Variants in TMEM132E observed in about 807,000 individuals in gnomAD.
The protein encoded by TMEM132E is transmembrane protein 132E.
A neutral mutation model predicts 78.5 loss-of-function variants in TMEM132E; 49 were observed. The ratio of observed to expected loss-of-function variants is 0.62; its 90% CI spans 0.50 to 0.79. The LOEUF (loss-of-function observed/expected upper bound fraction) is 0.79, where lower values mean the gene tolerates loss of function less well. Ranked by LOEUF, TMEM132E falls within the 30% of genes least tolerant of loss-of-function variation. The pLI, the probability that TMEM132E is intolerant of heterozygous loss-of-function variation, is 0.00. For synonymous variants in TMEM132E, 715 were observed against 670.6 expected, an observed-to-expected ratio of 1.07 and a Z score of -1.02; for missense variants, 1,403 against 1,470.9, an observed-to-expected ratio of 0.95 and a Z score of 0.75.
intron 2 of TMEM132E, among the ~76,000 whole-genome samples, chr17:34,627,516 T>C: frequency 1.6e-5 from 1 of 64,214 alleles, no homozygotes; most frequent in African/African-American, 5.4e-5. Flanking sequence ...TTTGGGACAT[T>C]TGCCCCAGTC....
chr17:34,630,150 A>C lies in TMEM132E; in HGVS notation c.1481A>C (p.Lys494Thr). The part of the protein sequence containing the change: ...ECESDNEDII[K>T]VSSSCDYVFV... ...GAGTCTGACAATGAAGACATCATCA[A>C]GGTGGGCATCCTGGAGGTGGGGCCC... The change falls in exon 5 of 9, where the codon AAG (lysine) becomes ACG (threonine). Residue 494 changes from lysine (K) to threonine (T), a missense_variant and splice_region_variant. Around this residue, in one of 3 missense-constraint regions of TMEM132E, gnomAD observed 888 missense variants for 952.8 expected, o/e 0.93. Transcript: ENST00000631683. 2 of 1,609,680 alleles carry C rather than the reference A, an allele frequency of 1.2e-6. No homozygotes were observed. The highest frequency in any genetic ancestry group is 1.7e-6 in the Non-Finnish European group (2 of 1,176,482).
intron 1 of TMEM132E, among the ~76,000 whole-genome samples, chr17:34,613,904 C>G (rs931405931): frequency 6.6e-6 from 1 of 152,164 alleles, no homozygotes; most frequent in Non-Finnish European, 1.5e-5. Flanking sequence ...CACTCCCCGC[C>G]CCCAAACACA....
In TMEM132E at chr17:34,626,537, G is replaced by A; in HGVS notation, c.478G>A (p.Glu160Lys). 6.3e-7 allele frequency: 1 copy of A among 1,599,606 alleles called. No homozygotes were observed. Among genetic ancestry groups the A allele is most frequent in the Non-Finnish European group, 8.5e-7 (1 of 1,176,602 alleles). ...GRDWDDFGVT[E>K]RLPCVRLHAF... ...GGACTGGGACGACTTCGGCGTCACC[G>A]AGCGGCTGCCCTGTGTCCGCCTGCA... Residue 160 changes from glutamate to lysine, a missense_variant, in exon 2 of 9, where the codon GAG becomes AAG. Glu to Lys is a moderately conservative substitution (Grantham distance 56). Around this residue, in one of 3 missense-constraint regions of TMEM132E, gnomAD observed 511 missense variants for 499.0 expected, o/e 1.02. Transcript: ENST00000631683.
chr17:34,626,770 C>A lies in TMEM132E; in HGVS notation c.711C>A (p.His237Gln), dbSNP rs1313406810. Residue 237 changes from histidine to glutamine, a missense_variant, in exon 2 of 9, where the codon CAC becomes CAA. Coordinates refer to ENST00000631683, the MANE Select transcript of TMEM132E (RefSeq NM_001304438.2). ...SQQAELYYTL[H>Q]APDASGGCGG... ...AGGCCGAGCTCTACTACACGCTCCA[C>A]GCCCCTGATGCGTCGGGGGGCTGCG... 3.4e-6 allele frequency: 5 copies of A among 1,459,294 alleles called. No individual in the cohort carries two copies. The highest frequency in any genetic ancestry group is 2.5e-5 in the East Asian group (1 of 40,312). 90.4% of individuals were successfully genotyped at this position (1,459,294 alleles called of 1,614,324 possible). A position where few individuals can be genotyped will look rare whatever the true frequency, so the allele number is the denominator to read the frequency against.
intron 7 of TMEM132E, chr17:34,635,719 T>A (rs912034508): frequency 1.3e-4 from 42 of 324,810 alleles, no homozygotes; most frequent in Middle Eastern, 7.7e-4. Flanking sequence ...AGGTTGCACA[T>A]CAATTGCTAC....
chr17:34,618,482 T>C (rs962865842), intron 1 of TMEM132E, among the ~76,000 whole-genome samples: 5 of 151,804 alleles, frequency 3.3e-5, no homozygotes, highest in Non-Finnish European at 7.4e-5. Flanking sequence ...TCCTCCCTCC[T>C]GAGCCTCCCA....
rs1907568213 is a variant in TMEM132E, at chr17:34,637,543, G to T, written c.2536G>T (p.Gly846Cys). 6.3e-7 allele frequency: 1 copy of T among 1,597,800 alleles called. No individual in the cohort carries two copies. The highest frequency in any genetic ancestry group is 1.3e-5 in the African/African-American group (1 of 74,566). The change falls in exon 9 of 9, where the codon GGC becomes TGC. Residue 846 changes from glycine (G) to cysteine (C), a missense_variant. By Grantham distance (159) the Gly-to-Cys change is radical (BLOSUM62 -3). Around this residue, in one of 3 missense-constraint regions of TMEM132E, gnomAD observed 888 missense variants for 952.8 expected, o/e 0.93. Coordinates refer to ENST00000631683, the MANE Select transcript of TMEM132E (RefSeq NM_001304438.2). ...CGAGGCCCGGGGAGCTGGCCCGCCG[G>T]GCTCTGCGCTACCCGCACCGGAGGC... ...EDEARGAGPP[G>C]SALPAPEAPG...
At chr17:34,625,144 A>G (rs953056660) in intron 1 of TMEM132E, among the ~76,000 whole-genome samples, 2 of 152,180 alleles carry the variant, frequency 1.3e-5, no homozygotes, top group Admixed American at 1.3e-4. Flanking sequence ...GGGAGACCCT[A>G]TTGGCCAGTG....
intron 1 of TMEM132E, among the ~76,000 whole-genome samples, chr17:34,609,786 C>T (rs1164937113): frequency 6.6e-6 from 1 of 152,186 alleles, no homozygotes; most frequent in Non-Finnish European, 1.5e-5. Context: ...ACCTGGGACT[C>T]CTCTGCAGAG....
intron 1 of TMEM132E, among the ~76,000 whole-genome samples, chr17:34,594,040 G>A (rs1027269881): frequency 6.6e-6 from 1 of 151,990 alleles, no homozygotes; most frequent in Non-Finnish European, 1.5e-5. Context: ...TCCCTCCCTG[G>A]TCCCCCTCTA....
chr17:34,629,385 G>A (rs148203361), intron 4 of TMEM132E, among the ~76,000 whole-genome samples, 181 bp downstream of exon 4: 4 of 152,248 alleles, frequency 2.6e-5, no homozygotes, highest in East Asian at 3.9e-4. Context: ...TATATTTGTC[G>A]GGCCATGAGG....
rs190592217 is a variant in TMEM132E, at chr17:34,606,884, C to T, written c.68-19243C>T. Among the ~76,000 whole-genome samples the T allele has an allele frequency of 6.0e-4, 92 of 152,344 alleles. 1 individual carries two copies. In the East Asian group the frequency reaches 0.011, roughly 18 times the overall value. On this transcript the variant is annotated intron_variant, in intron 1 of 8. Transcript: ENST00000631683. ...TCCTCTCCCCACTCACTCGCTCTCT[C>T]TCTGCTCCTTTCCTGGCCTCCTTCC...
Position 34,628,860 on chromosome 17 carries a change from G to A in TMEM132E, c.1145+151G>A, listed in dbSNP as rs1057177627. 2.2e-5 allele frequency: 30 copies of A among 1,365,232 alleles called. No homozygotes were observed. The African/African-American group carries it at 4.1e-4, about 19-fold the overall frequency. The allele number at this position is 1,365,232 out of a possible 1,614,324, so 84.6% of individuals were successfully genotyped here. ...TCCAGGCCCCTCAGTGGGATCCTGG[G>A]GCTGGAGCACCTCAGATGGGCTGGA... On this transcript the variant is annotated intron_variant, in intron 3 of 8. Transcript: ENST00000631683.
At chr17:34,635,799 C>T (rs986417593) in intron 7 of TMEM132E, 3 of 414,326 alleles carry the variant, frequency 7.2e-6, no homozygotes, top group East Asian at 3.6e-5. Context: ...TCCCGCCTGG[C>T]TCCTGTGAGC....
Position 34,626,784 on chromosome 17 carries a change from C to T in TMEM132E, c.725C>T (p.Ser242Leu). 2 of 1,491,620 alleles carry T rather than the reference C, an allele frequency of 1.3e-6. No homozygotes were observed. Among genetic ancestry groups the T allele is most frequent in the South Asian group, 1.3e-5 (1 of 78,894 alleles). 92.4% of individuals were successfully genotyped at this position (1,491,620 alleles called of 1,614,324 possible). A position where few individuals can be genotyped will look rare whatever the true frequency, so the allele number is the denominator to read the frequency against. ...TACACGCTCCACGCCCCTGATGCGTCGGGGGGCTGCGGGGGCTCCCGCCGG... is the reference window on the plus strand; with the variant it reads ...TACACGCTCCACGCCCCTGATGCGTTGGGGGGCTGCGGGGGCTCCCGCCGG... ...LYYTLHAPDA[S>L]GGCGGSRRGA... is the part of the protein sequence containing the mutation. Residue 242 changes from serine (S) to leucine (L), a missense_variant, in exon 2 of 9, where the codon TCG (serine) becomes TTG (leucine). This residue lies in a region of TMEM132E where 511 missense variants were observed against 499.0 expected (regional missense o/e 1.02). Transcript: ENST00000631683.
At chr17:34,619,522 A>C (rs539902744) in intron 1 of TMEM132E, among the ~76,000 whole-genome samples, 2 of 149,982 alleles carry the variant, frequency 1.3e-5, no homozygotes, top group East Asian at 3.9e-4. Flanking sequence ...TTGATAAAAA[A>C]GGTGTTTCAC....
At chr17:34,601,887 G>A (rs367748119) in intron 1 of TMEM132E, among the ~76,000 whole-genome samples, 88 of 152,320 alleles carry the variant, frequency 5.8e-4, no homozygotes, top group African/African-American at 2.1e-3. Flanking sequence ...ATGCCTCAGG[G>A]TTAATCTCAC....
At chr17:34,590,757 G>A (rs920938292) in intron 1 of TMEM132E, among the ~76,000 whole-genome samples, 4 of 152,138 alleles carry the variant, frequency 2.6e-5, no homozygotes, top group African/African-American at 9.7e-5. Flanking sequence ...AAAGACTTTG[G>A]CCCAATGTTC....
intron 1 of TMEM132E, among the ~76,000 whole-genome samples, chr17:34,613,433 T>C (rs1043534086): frequency 3.4e-5 from 5 of 145,672 alleles, no homozygotes; most frequent in African/African-American, 1.3e-4. Context: ...GCCAGGGCTG[T>C]GCAGGTTTGT....
Sources: gnomAD v4.1 joint callset for allele counts (sites outside exome capture counted in the v4.1 genomes callset) on GRCh38, gnomAD v4.1.1 for gene constraint, gnomAD v4.1.1 regional missense constraint, MANE v1.5 for transcripts, NCBI Gene and HGNC (gene_info 2026-07-23, HGNC 2026-07-21) for gene names.